The following PGM5 variants were observed in gnomAD, a reference collection of about 807,000 sequenced individuals.
The protein encoded by PGM5 is phosphoglucomutase-like protein 5.
A neutral mutation model predicts 59.2 loss-of-function variants in PGM5; 23 were observed. The ratio of observed to expected loss-of-function variants is 0.39; its 90% CI spans 0.28 to 0.55. The LOEUF (loss-of-function observed/expected upper bound fraction) is 0.55, where lower values mean the gene tolerates loss of function less well. Ranked by LOEUF, PGM5 falls within the 20% of genes least tolerant of loss-of-function variation. The probability of loss-of-function intolerance (pLI) is 0.66; values close to 1 mark genes in which losing one functional copy is unlikely to be tolerated. For missense variants in PGM5, 574 were observed against 748.3 expected (o/e 0.77, Z 2.72); for synonymous variants, 214 against 286.0 (o/e 0.75, Z 2.54).
chr9:68,448,064 G>A (rs1309239118), intron 6 of PGM5, among the ~76,000 whole-genome samples: 4 of 152,082 alleles, frequency 2.6e-5, no homozygotes, highest in African/African-American at 9.7e-5. Context: ...GAAGAGGGAA[G>A]AGGAAAAGGG....
chr9:68,436,340 T>C lies in PGM5; in HGVS notation c.1044-28753T>C, dbSNP rs112862479. 6.5e-3 allele frequency among the ~76,000 whole-genome samples: 995 copies of C among 152,306 alleles called. 10 individuals carry two copies. Among genetic ancestry groups the C allele is most frequent in the African/African-American group, 0.022 (926 of 41,570 alleles). Reference sequence around the variant, plus strand: ...TATATAAGAAGTAGGTAAGACTTAGTGGGAGTAGTTTACAGGTCATTGGCG... The same window carrying C: ...TATATAAGAAGTAGGTAAGACTTAGCGGGAGTAGTTTACAGGTCATTGGCG... On this transcript the variant is annotated intron_variant, in intron 6 of 10. Transcript: ENST00000396396.
At chr9:68,390,151 G>A (rs1182197520) in intron 4 of PGM5, among the ~76,000 whole-genome samples, 32 of 151,984 alleles carry the variant, frequency 2.1e-4, no homozygotes, top group African/African-American at 7.7e-4. Flanking sequence ...GCCTGCTATG[G>A]GTCTTCTCCA....
Position 68,429,388 on chromosome 9 carries a change from A to G in PGM5, c.1044-35705A>G, listed in dbSNP as rs560024631. On this transcript the variant is annotated intron_variant, in intron 6 of 10. Transcript: ENST00000396396. ...AAAAAAATCATCAACCAACCAACCA[A>G]TCAACAAAAAAACCAATCCAGATTC... is the stretch of plus-strand genomic sequence containing the variant. The G allele has an allele frequency of 3.3e-4, 51 of 152,304 alleles. 1 individual carries two copies. Among genetic ancestry groups the G allele is most frequent in the African/African-American group, 1.1e-3 (46 of 41,554 alleles). 9.4% of individuals were successfully genotyped at this position (152,304 alleles called of 1,614,324 possible). A position where few individuals can be genotyped will look rare whatever the true frequency, so the allele number is the denominator to read the frequency against.
chr9:68,433,102 A>T (rs1269690755), intron 6 of PGM5, among the ~76,000 whole-genome samples: 1 of 152,120 alleles, frequency 6.6e-6, no homozygotes, highest in Non-Finnish European at 1.5e-5. Flanking sequence ...TTGATTTCTA[A>T]ACTTGTAGTT....
chr9:68,511,530 T>C (rs1554689348), intron 10 of PGM5, among the ~76,000 whole-genome samples: 1 of 149,942 alleles, frequency 6.7e-6, no homozygotes, highest in African/African-American at 2.4e-5. Flanking sequence ...TTGTCACTAA[T>C]GTTATTGTTT....
intron 9 of PGM5, among the ~76,000 whole-genome samples, chr9:68,491,240 G>A (rs571809032): frequency 6.6e-6 from 1 of 152,310 alleles, no homozygotes; most frequent in African/African-American, 2.4e-5. Flanking sequence ...CGGTATTACA[G>A]AGGAAGAACT....
At chr9:68,401,909 G>A (rs1822679459) in intron 6 of PGM5, among the ~76,000 whole-genome samples, 2 of 149,430 alleles carry the variant, frequency 1.3e-5, no homozygotes, top group Non-Finnish European at 3.0e-5. Flanking sequence ...GTGTGTGTGT[G>A]TGTGTGTGTG....
At chr9:68,395,724 T>A (rs2132016603) in intron 6 of PGM5, 1 of 152,296 alleles carries the variant, frequency 6.6e-6, no homozygotes, top group East Asian at 1.9e-4. Flanking sequence ...TGAATTTAAT[T>A]TTCCAATTAT....
intron 6 of PGM5, among the ~76,000 whole-genome samples, chr9:68,438,080 G>C (rs969442906): frequency 8.6e-5 from 13 of 151,952 alleles, no homozygotes; most frequent in Admixed American, 5.9e-4. Flanking sequence ...CTGAGCTCGG[G>C]AGTTCAGAAC....
At chr9:68,493,859 CT>C (rs1216070721) in intron 9 of PGM5, among the ~76,000 whole-genome samples, 3 of 152,178 alleles carry the variant, frequency 2.0e-5, no homozygotes, top group African/African-American at 7.2e-5. Flanking sequence ...TGGAAGCACA[CT>C]GAAGGATTTT....
intron 1 of PGM5, among the ~76,000 whole-genome samples, chr9:68,375,233 C>A (rs536322304): frequency 6.6e-6 from 1 of 152,266 alleles, no homozygotes; most frequent in South Asian, 2.1e-4. Flanking sequence ...ATCACTTCTG[C>A]AATATATACT....
chr9:68,484,307 AG>A (rs1824250918), intron 9 of PGM5, among the ~76,000 whole-genome samples: 2 of 149,824 alleles, frequency 1.3e-5, no homozygotes, highest in African/African-American at 4.9e-5. Context: ...CCAAGGTGGG[AG>A]GGTCACTTTT....
chr9:68,418,098 C>G (rs971197413), intron 6 of PGM5, among the ~76,000 whole-genome samples: 5 of 152,234 alleles, frequency 3.3e-5, no homozygotes, highest in African/African-American at 7.2e-5. Context: ...GGGCCATTCT[C>G]TCCACTTTGT....
intron 8 of PGM5, among the ~76,000 whole-genome samples, chr9:68,479,780 A>G (rs942495756): frequency 6.6e-6 from 1 of 152,148 alleles, no homozygotes; most frequent in Non-Finnish European, 1.5e-5. Context: ...TAAAAATACA[A>G]AAAATTAGCT....
intron 7 of PGM5, among the ~76,000 whole-genome samples, chr9:68,473,569 A>G (rs1366784319): frequency 1.3e-5 from 2 of 152,160 alleles, no homozygotes; most frequent in Non-Finnish European, 2.9e-5. Flanking sequence ...TAAATAATAG[A>G]TGCATAAAAT....
intron 9 of PGM5, among the ~76,000 whole-genome samples, chr9:68,490,320 A>C (rs534388417): frequency 6.6e-6 from 1 of 152,258 alleles, no homozygotes; most frequent in East Asian, 1.9e-4. Context: ...TTTCAGCTTC[A>C]ACTTTTTGTT....
intron 6 of PGM5, chr9:68,398,283 ACT>A (rs1310768133): frequency 6.6e-6 from 1 of 152,120 alleles, no homozygotes; most frequent in Admixed American, 6.6e-5. Context: ...TTGCCCTGAA[ACT>A]CTGTATAGCT....
chr9:68,369,273 CAA>C (rs1834739982), intron 1 of PGM5, among the ~76,000 whole-genome samples: 1 of 152,092 alleles, frequency 6.6e-6, no homozygotes, highest in Non-Finnish European at 1.5e-5. Context: ...GGATCTTGCG[CAA>C]AGTCACCCAG....
At chr9:68,507,717 G>A (rs1824680275) in intron 10 of PGM5, among the ~76,000 whole-genome samples, 1 of 152,060 alleles carries the variant, frequency 6.6e-6, no homozygotes, top group Middle Eastern at 3.2e-3. Context: ...AATTAAACTT[G>A]GAAAGATGCA....
Sources: gnomAD v4.1 joint callset for allele counts (sites outside exome capture counted in the v4.1 genomes callset) on GRCh38, gnomAD v4.1.1 for gene constraint, MANE v1.5 for transcripts, NCBI Gene and HGNC (gene_info 2026-07-23, HGNC 2026-07-21) for gene names.